CPVL: variants seen among roughly 807,000 people sequenced by gnomAD.
CPVL encodes probable serine carboxypeptidase CPVL.
A neutral mutation model predicts 63.7 loss-of-function variants in CPVL; 51 were observed. That is an observed-to-expected ratio of 0.80 (90% confidence interval 0.64 to 1.01). The LOEUF (loss-of-function observed/expected upper bound fraction) is 1.01. Ranked by LOEUF, CPVL falls within the 50% of genes least tolerant of loss-of-function variation. The pLI, the probability that CPVL is intolerant of heterozygous loss-of-function variation, is 0.00. For missense variants in CPVL, 530 were observed against 573.1 expected (o/e 0.92, Z 0.77); for synonymous variants, 195 against 206.0 (o/e 0.95, Z 0.46).
intron 7 of CPVL, among the ~76,000 whole-genome samples, chr7:29,084,600 A>G (rs1208508941): frequency 6.6e-6 from 1 of 152,208 alleles, no homozygotes; most frequent in Non-Finnish European, 1.5e-5. Flanking sequence ...CCTAGCACCT[A>G]GAACTGCACC....
At chr7:29,071,659 G>T in intron 9 of CPVL, 114 bp downstream of exon 9, 1 of 1,181,114 alleles carries the variant, frequency 8.5e-7, no homozygotes, top group Non-Finnish European at 1.2e-6. Flanking sequence ...TGGAATAACA[G>T]ATATACCTTC....
At chr7:29,186,524 G>A (rs1798737676) in exon 2 of CPVL, 4 of 151,856 alleles carry the variant, frequency 2.6e-5, no homozygotes, top group Admixed American at 2.6e-4. Context: ...GCAGTGAGCT[G>A]TGATCGTGTC....
intron 12 of CPVL, among the ~76,000 whole-genome samples, chr7:29,022,883 G>C (rs1027534613): frequency 7.9e-5 from 12 of 152,350 alleles, no homozygotes; most frequent in African/African-American, 2.9e-4. Flanking sequence ...ATTATCCAGA[G>C]GCCTAGAGAT....
At chr7:29,053,119 C>T (rs1409464574) in intron 11 of CPVL, among the ~76,000 whole-genome samples, 1 of 152,118 alleles carries the variant, frequency 6.6e-6, no homozygotes, top group Non-Finnish European at 1.5e-5. Flanking sequence ...CACTTTAAAT[C>T]ACTAGGATGG....
At chr7:29,093,819 G>A (rs539760801) in intron 5 of CPVL, among the ~76,000 whole-genome samples, 2 of 152,296 alleles carry the variant, frequency 1.3e-5, no homozygotes, top group South Asian at 2.1e-4. Context: ...ACAAGGTGGG[G>A]GAAAGAGCAT....
At chr7:29,084,810 T>C (rs1255880629) in intron 7 of CPVL, among the ~76,000 whole-genome samples, 1 of 152,214 alleles carries the variant, frequency 6.6e-6, no homozygotes, top group African/African-American at 2.4e-5. Context: ...TGAGATACAA[T>C]TTAAGGATAA....
intron 1 of CPVL, among the ~76,000 whole-genome samples, chr7:29,129,919 C>A (rs1046431609): frequency 6.6e-6 from 1 of 152,124 alleles, no homozygotes; most frequent in African/African-American, 2.4e-5. Flanking sequence ...GAGGCAGACA[C>A]TAAGTGATGT....
At chr7:29,040,242 TC>T (rs1788938271) in intron 11 of CPVL, among the ~76,000 whole-genome samples, 1 of 152,198 alleles carries the variant, frequency 6.6e-6, no homozygotes, top group African/African-American at 2.4e-5. Context: ...AATTAGCATG[TC>T]CCACCAGTGC....
At chr7:29,086,424 A>T (rs1785209726) in intron 7 of CPVL, 60 bp downstream of exon 7, 4 of 1,172,616 alleles carry the variant, frequency 3.4e-6, no homozygotes, top group Admixed American at 1.7e-5. Context: ...AACTACACTC[A>T]TAATATATGT....
intron 11 of CPVL, among the ~76,000 whole-genome samples, chr7:29,053,220 C>A (rs1790379649): frequency 6.6e-6 from 1 of 152,080 alleles, no homozygotes; most frequent in Non-Finnish European, 1.5e-5. Flanking sequence ...TAACATATGA[C>A]CCAGTAATTC....
At chr7:29,176,405 T>A (rs1466890636) in intron 5 of CPVL, among the ~76,000 whole-genome samples, 1 of 152,098 alleles carries the variant, frequency 6.6e-6, no homozygotes, top group Non-Finnish European at 1.5e-5. Flanking sequence ...AGATTAATAG[T>A]GGACTTCTTA....
chr7:29,002,755 A>G (rs1028421337), intron 12 of CPVL, among the ~76,000 whole-genome samples: 4 of 151,972 alleles, frequency 2.6e-5, no homozygotes, highest in African/African-American at 9.7e-5. Flanking sequence ...TAAGAACTCG[A>G]TCGATGTTTT....
Position 29,135,674 on chromosome 7 carries a change from G to C in CPVL, c.-11+10755C>G, listed in dbSNP as rs551936946. The stretch of plus-strand genomic sequence containing the variant: ...TAAATAAATATTCAGAAATACATAA[G>C]AGTTATTTATTTATTTTTATTTATT... On this transcript the variant is annotated intron_variant, in intron 1 of 12. Coordinates refer to ENST00000265394, the MANE Select transcript of CPVL (RefSeq NM_031311.5). 5.3e-5 allele frequency among the ~76,000 whole-genome samples: 8 copies of C among 151,574 alleles called. No individual in the cohort carries two copies. The South Asian group carries it at 1.3e-3, about 24-fold the overall frequency.
At chr7:29,101,511 C>T (rs367946139) in intron 3 of CPVL, among the ~76,000 whole-genome samples, 18 of 152,296 alleles carry the variant, frequency 1.2e-4, no homozygotes, top group African/African-American at 3.8e-4. Flanking sequence ...AGAAGAATGG[C>T]GTGAACCCGG....
intron 12 of CPVL, chr7:29,011,905 G>C (rs1312912579): frequency 6.6e-6 from 1 of 152,216 alleles, no homozygotes; most frequent in African/African-American, 2.4e-5. Context: ...AAAAGTCAAA[G>C]GTACTGCTGT....
intron 5 of CPVL, among the ~76,000 whole-genome samples, chr7:29,152,125 A>C (rs1793683620): frequency 6.6e-6 from 1 of 152,222 alleles, no homozygotes; most frequent in Non-Finnish European, 1.5e-5. Context: ...TAGCCTCTGA[A>C]GGGTTTTCCA....
Position 29,112,810 on chromosome 7 carries a change from C to T in CPVL, c.182G>A (p.Ser61Asn), listed in dbSNP as rs138216401. The change falls in exon 3 of 13, where the codon AGT becomes AAT. Residue 61 changes from serine (S) to asparagine (N), a missense_variant. Transcript: ENST00000265394. Reference protein sequence around the residue: ...AGKIQKGRELSLVGPFPGLNM... With the variant: ...AGKIQKGRELNLVGPFPGLNM... ...CAGTCCTGGGAAAGGGCCGACCAAA[C>T]TCAATTCTCTTCCTAGTGGGGGAAA... 884 of 1,612,016 alleles carry T rather than the reference C, an allele frequency of 5.5e-4. 3 individuals are homozygous for T. The highest frequency in any genetic ancestry group is 2.3e-3 in the Middle Eastern group (14 of 6,040).
chr7:29,014,565 C>T (rs1172759290), intron 12 of CPVL, among the ~76,000 whole-genome samples: 1 of 151,972 alleles, frequency 6.6e-6, no homozygotes, highest in African/African-American at 2.4e-5. Context: ...TAGTCTTGAA[C>T]TCCTGGGCTC....
intron 11 of CPVL, among the ~76,000 whole-genome samples, chr7:29,058,158 A>C (rs1006527972): frequency 5.3e-5 from 8 of 152,124 alleles, no homozygotes; most frequent in African/African-American, 1.9e-4. Context: ...CATGTACACA[A>C]AATATTTCTC....
Sources: gnomAD v4.1 joint callset for allele counts (sites outside exome capture counted in the v4.1 genomes callset) on GRCh38, gnomAD v4.1.1 for gene constraint, MANE v1.5 for transcripts, NCBI Gene and HGNC (gene_info 2026-07-23, HGNC 2026-07-21) for gene names.